RAPGEF6: variants seen among roughly 807,000 people sequenced by gnomAD.
RAPGEF6 encodes the protein PDZ domain containing guanine nucleotide exchange factor (GEF) 2.
In RAPGEF6, 56 loss-of-function variants were observed where a neutral mutation model predicts 171.4. The ratio of observed to expected loss-of-function variants is 0.33; its 90% CI spans 0.26 to 0.41. The LOEUF (loss-of-function observed/expected upper bound fraction) is 0.41, where lower values mean the gene tolerates loss of function less well. Ranked by LOEUF, RAPGEF6 falls within the 10% of genes least tolerant of loss-of-function variation. RAPGEF6 has a pLI of 1.00. For synonymous variants in RAPGEF6, 692 were observed against 650.1 expected (o/e 1.06, Z -0.98); for missense variants, 1,674 against 1,921.4 (o/e 0.87, Z 2.41).
rs142004137 is a variant in RAPGEF6 at position 131,584,080 on chromosome 5, T to C, written c.281+8303A>G. Among the ~76,000 whole-genome samples, 181 of 152,316 alleles carry C rather than the reference T, an allele frequency of 1.2e-3. 1 individual carries two copies. Among genetic ancestry groups the C allele is most frequent in the African/African-American group, 4.2e-3 (175 of 41,572 alleles). ...AGTTTACAAAGTGGCATGAGGAAAC[T>C]TTTTCTAGTGATAGAGCTTATTATC... On this transcript the variant is annotated intron_variant, in intron 4 of 27. Transcript: ENST00000509018.
intron 11 of RAPGEF6, 150 bp downstream of exon 11, chr5:131,504,476 T>C (rs1014489680): frequency 2.8e-6 from 2 of 721,152 alleles, no homozygotes; most frequent in Non-Finnish European, 4.0e-6. Context: ...AAAAAAAAAA[T>C]TTTAGAGAAA....
intron 4 of RAPGEF6, among the ~76,000 whole-genome samples, chr5:131,576,460 A>T (rs1044322298): frequency 2.6e-5 from 4 of 152,188 alleles, no homozygotes; most frequent in Non-Finnish European, 5.9e-5. Flanking sequence ...GGGCAGAAAG[A>T]GGTTTTCTCA....
At chr5:131,533,003 C>A (rs1019454195) in intron 6 of RAPGEF6, 1 of 152,518 alleles carries the variant, frequency 6.6e-6, no homozygotes, top group Admixed American at 6.6e-5. Flanking sequence ...CCTATTGATT[C>A]TATGCTCTGC....
intron 11 of RAPGEF6, among the ~76,000 whole-genome samples, chr5:131,502,199 C>T (rs1038862327): frequency 6.6e-6 from 1 of 152,154 alleles, no homozygotes; most frequent in Admixed American, 6.5e-5. Context: ...GAAGACAAGA[C>T]AGTTCATTCC....
At position 131,449,981 on chromosome 5, in the gene RAPGEF6, T is replaced by A. The variant is rs1340271968; in HGVS notation, c.3200+3073A>T. 2.6e-6 allele frequency: 4 copies of A among 1,511,900 alleles called. No homozygotes were observed. The Admixed American group carries it at 7.9e-5, about 30-fold the overall frequency. The allele number at this position is 1,511,900 out of a possible 1,614,324, so 93.7% of individuals were successfully genotyped here. A position where few individuals can be genotyped will look rare whatever the true frequency, so the allele number is the denominator to read the frequency against. On this transcript the variant is annotated intron_variant, in intron 21 of 27. Coordinates refer to ENST00000509018, the MANE Select transcript of RAPGEF6 (RefSeq NM_016340.6). ...AAAAGGATGCAATATATGTTAAGAG[T>A]CGCACAACCTTCATTCCAGTTGCGT...
chr5:131,429,856 C>T (rs1043039228), intron 26 of RAPGEF6, among the ~76,000 whole-genome samples: 1 of 151,894 alleles, frequency 6.6e-6, no homozygotes, highest in Non-Finnish European at 1.5e-5. Context: ...AGTTTGAGAC[C>T]AGCCTGGCCA....
Position 131,603,344 on chromosome 5 carries a change from T to C in RAPGEF6, c.141-17A>G, listed in dbSNP as rs181996431. The C allele has an allele frequency of 1.0e-4, 142 of 1,400,864 alleles. No individual in the cohort carries two copies. The African/African-American group carries it at 1.7e-3, about 17-fold the overall frequency. The allele number at this position is 1,400,864 out of a possible 1,614,324, so 86.8% of individuals were successfully genotyped here. A position where few individuals can be genotyped will look rare whatever the true frequency, so the allele number is the denominator to read the frequency against. On this transcript the variant is annotated splice_polypyrimidine_tract_variant and intron_variant, in intron 2 of 27. Transcript: ENST00000509018. The stretch of plus-strand genomic sequence containing the variant: ...GACATTAATCTATTAAAAAAAAAAA[T>C]TGAAGATTTTATCTTACATTTTGTT...
intron 24 of RAPGEF6, chr5:131,436,214 C>T (rs1469705159): frequency 2.0e-6 from 3 of 1,537,580 alleles, no homozygotes; most frequent in Non-Finnish European, 1.7e-6. Flanking sequence ...GTTGTGTTCT[C>T]ACAACTTGTC....
At chr5:131,578,056 T>C (rs1762709749) in intron 4 of RAPGEF6, among the ~76,000 whole-genome samples, 1 of 152,224 alleles carries the variant, frequency 6.6e-6, no homozygotes, top group Admixed American at 6.5e-5. Context: ...GGTTTACACT[T>C]TTCCTCCGAA....
At chr5:131,527,189 C>G (rs1224881462) in intron 6 of RAPGEF6, among the ~76,000 whole-genome samples, 1 of 151,986 alleles carries the variant, frequency 6.6e-6, no homozygotes, top group Non-Finnish European at 1.5e-5. Flanking sequence ...GGGCAACTGC[C>G]TTAGTATACA....
chr5:131,570,838 G>A (rs1312540489), intron 4 of RAPGEF6, among the ~76,000 whole-genome samples: 1 of 152,024 alleles, frequency 6.6e-6, no homozygotes, highest in Admixed American at 6.6e-5. Context: ...GATTACAGAG[G>A]GGCAACCAGA....
In RAPGEF6 at chr5:131,492,776, C is replaced by T. The variant is rs1347904947; in HGVS notation, c.1537G>A (p.Gly513Ser). ...EKNLEDTKMN[G>S]HLRLLNIACA... ...GCAATATTCAATAACCGGAGATGAC[C>T]ATTCATCTTCTGTTAAGCAGAAAAG... The change falls in exon 14 of 28, where the codon GGT becomes AGT. Residue 513 changes from glycine to serine, a missense_variant. Coordinates refer to ENST00000509018, the MANE Select transcript of RAPGEF6 (RefSeq NM_016340.6). 6.2e-7 allele frequency: 1 copy of T among 1,611,456 alleles called. No homozygotes were observed. Among genetic ancestry groups the T allele is most frequent in the Non-Finnish European group, 8.5e-7 (1 of 1,177,598 alleles).
intron 4 of RAPGEF6, among the ~76,000 whole-genome samples, chr5:131,577,003 A>G (rs1429338130): frequency 1.3e-5 from 2 of 152,086 alleles, no homozygotes; most frequent in African/African-American, 2.4e-5. Flanking sequence ...CTGCCCCCAC[A>G]CAAGACTGGC....
Position 131,592,470 on chromosome 5 carries a change from T to C in RAPGEF6, c.198-4A>G. ...ACATCTGGCAATCGTTTCTGAACTG[T>C]TTAAATAAATAAGTAAATAAATGAG... is the stretch of plus-strand genomic sequence containing the variant. On this transcript the variant is annotated splice_polypyrimidine_tract_variant and splice_region_variant and intron_variant, in intron 3 of 27. Transcript: ENST00000509018. The C allele has an allele frequency of 6.2e-7, 1 of 1,611,750 alleles. No homozygotes were observed. The highest frequency in any genetic ancestry group is 8.5e-7 in the Non-Finnish European group (1 of 1,178,702).
rs774776404 is a variant in RAPGEF6, at chr5:131,442,349, T to A, written c.3610A>T (p.Asn1204Tyr). 1 of 1,607,880 alleles carries A rather than the reference T, an allele frequency of 6.2e-7. No homozygotes were observed. Among genetic ancestry groups the A allele is most frequent in the Non-Finnish European group, 8.5e-7 (1 of 1,177,032 alleles). Residue 1204 changes from asparagine to tyrosine, a missense_variant and splice_region_variant, in exon 23 of 28, where the codon AAT becomes TAT. Coordinates refer to ENST00000509018, the MANE Select transcript of RAPGEF6 (RefSeq NM_016340.6). ...TGTAATATTAATGGTGAATACTCAC[T>A]CAGTGCAGGGTCTTTTGTTTGTCCC... Reference protein sequence around the residue: ...KKGQTKDPALNTSLPQKVLGT... With the variant: ...KKGQTKDPALYTSLPQKVLGT...
In RAPGEF6 at chr5:131,585,851, C is replaced by T. The variant is rs1010749958; in HGVS notation, c.281+6532G>A. ...CCAAAAAACAAACAAAAAAAGCAAC[C>T]ATTTGTCTCTTATCTACCTATGACC... On this transcript the variant is annotated intron_variant, in intron 4 of 27. Transcript: ENST00000509018. Among the ~76,000 whole-genome samples the T allele has an allele frequency of 2.0e-5, 3 of 152,020 alleles. No individual in the cohort carries two copies. The East Asian group carries it at 5.8e-4, about 29-fold the overall frequency.
intron 1 of RAPGEF6, among the ~76,000 whole-genome samples, chr5:131,629,545 G>A (rs2150042591): frequency 6.6e-6 from 1 of 151,226 alleles, no homozygotes; most frequent in South Asian, 2.1e-4. Flanking sequence ...CTTGGGCCCA[G>A]GAGTTCAAGA....
intron 1 of RAPGEF6, among the ~76,000 whole-genome samples, chr5:131,633,252 C>A (rs1380919186): frequency 1.3e-5 from 2 of 151,824 alleles, no homozygotes; most frequent in African/African-American, 4.8e-5. Context: ...CTACTTGAAC[C>A]GGGACCCAGG....
chr5:131,540,494 T>G (rs1015284197), intron 6 of RAPGEF6, among the ~76,000 whole-genome samples: 1 of 152,204 alleles, frequency 6.6e-6, no homozygotes, highest in African/African-American at 2.4e-5. Flanking sequence ...CCCAGGAGTT[T>G]GAGCTTATGG....
Sources: gnomAD v4.1 joint callset for allele counts (sites outside exome capture counted in the v4.1 genomes callset) on GRCh38, gnomAD v4.1.1 for gene constraint, MANE v1.5 for transcripts, NCBI Gene and HGNC (gene_info 2026-07-23, HGNC 2026-07-21) for gene names.